Variants in DGKH observed in about 807,000 individuals in gnomAD.
DGKH encodes diacylglycerol kinase eta.
In DGKH, 90 loss-of-function variants were observed where a neutral mutation model predicts 159.3. That is an observed-to-expected ratio of 0.57 (90% confidence interval 0.48 to 0.67). The LOEUF is 0.67. DGKH is among the 30% of genes least tolerant of loss of function. The pLI, the probability that DGKH is intolerant of heterozygous loss-of-function variation, is 0.00. For missense variants in DGKH, 1,181 were observed against 1,506.1 expected (o/e 0.78, Z 3.57); for synonymous variants, 536 against 553.8 (o/e 0.97, Z 0.45).
intron 1 of DGKH, among the ~76,000 whole-genome samples, chr13:42,056,933 T>G (rs552368432): frequency 1.3e-5 from 2 of 152,208 alleles, no homozygotes; most frequent in Non-Finnish European, 2.9e-5. Context: ...CATCAATGTT[T>G]TAGGTTTCAT....
At chr13:42,171,689 A>G (rs1354162336) in intron 11 of DGKH, among the ~76,000 whole-genome samples, 1 of 151,964 alleles carries the variant, frequency 6.6e-6, no homozygotes, top group East Asian at 1.9e-4. Flanking sequence ...CATCATACCT[A>G]TTTTTTGCAC....
At chr13:42,174,000 T>C (rs9590674) in intron 11 of DGKH, 60 bp from the exon 12 acceptor site, 329,703 of 1,253,696 alleles carry the variant, frequency 0.26, 48,151 homozygotes, top group Admixed American at 0.35. Flanking sequence ...TATGAGATGC[T>C]AACAGTTAGT....
intron 12 of DGKH, among the ~76,000 whole-genome samples, chr13:42,176,272 T>C (rs902523936): frequency 6.6e-6 from 1 of 152,222 alleles, no homozygotes; most frequent in Admixed American, 6.5e-5. Context: ...TTAATGATCA[T>C]GTAAAATATT....
chr13:42,250,312 G>T (rs182580069), intron 29 of DGKH, among the ~76,000 whole-genome samples: 3 of 152,036 alleles, frequency 2.0e-5, no homozygotes, highest in East Asian at 1.9e-4. Flanking sequence ...TAATTAACAC[G>T]TAATTGTACA....
At position 42,236,661 on chromosome 13, in the gene DGKH, C is replaced by T. The variant is rs1958418491; in HGVS notation, c.*7473C>T. ...TGAACCATGGCTGAGCGCTGTTGCT[C>T]AGGCCTGTAATCCCAGCACTTTGGA... On this transcript the variant is annotated 3_prime_UTR_variant, in exon 30 of 30. Coordinates refer to ENST00000337343, the MANE Select transcript of DGKH (RefSeq NM_178009.5). 1 of 152,198 alleles carries T rather than the reference C, an allele frequency of 6.6e-6. No homozygotes were observed. The highest frequency in any genetic ancestry group is 6.5e-5 in the Admixed American group (1 of 15,274). 9.4% of individuals were successfully genotyped at this position (152,198 alleles called of 1,614,324 possible). A position where few individuals can be genotyped will look rare whatever the true frequency, so the allele number is the denominator to read the frequency against.
chr13:42,071,140 T>G (rs1052267835), intron 1 of DGKH: 5 of 676,406 alleles, frequency 7.4e-6, no homozygotes, highest in African/African-American at 7.3e-5. Context: ...GTTGAACTTG[T>G]GTAAACAAGG....
intron 7 of DGKH, among the ~76,000 whole-genome samples, chr13:42,161,943 A>G (rs1447999641): frequency 6.6e-6 from 1 of 152,206 alleles, no homozygotes; most frequent in African/African-American, 2.4e-5. Context: ...GCAGGAGTTA[A>G]TTAGGTTTAT....
At chr13:42,054,536 T>G (rs532331690) in intron 1 of DGKH, among the ~76,000 whole-genome samples, 1 of 152,304 alleles carries the variant, frequency 6.6e-6, no homozygotes, top group South Asian at 2.1e-4. Flanking sequence ...CTGTGGGCCA[T>G]AAGGTGTCTG....
chr13:42,224,788 C>T (rs1958076407), intron 29 of DGKH, among the ~76,000 whole-genome samples: 1 of 152,102 alleles, frequency 6.6e-6, no homozygotes, highest in Non-Finnish European at 1.5e-5. Flanking sequence ...GCTTCTTCCC[C>T]TACCCTTCAC....
chr13:42,210,543 AT>A lies in DGKH; in HGVS notation c.2851-56del, dbSNP rs1400759616. 4.0e-6 allele frequency: 6 copies of A among 1,517,244 alleles called. No individual in the cohort carries two copies. In the African/African-American group the frequency reaches 6.9e-5, roughly 17 times the overall value. The allele number at this position is 1,517,244 out of a possible 1,614,324, so 94.0% of individuals were successfully genotyped here. On this transcript the variant is annotated intron_variant, in intron 23 of 29. Transcript: ENST00000337343. ...CAATTGTAGTTTTATTAAAGCACACATTTACATGGACCTCTGAGTTCTAAAC... is the reference window on the plus strand; with the variant it reads ...CAATTGTAGTTTTATTAAAGCACACATTACATGGACCTCTGAGTTCTAAAC...
intron 30 of DGKH, chr13:42,255,977 G>A: frequency 6.2e-7 from 1 of 1,610,452 alleles, no homozygotes; most frequent in Non-Finnish European, 8.5e-7. Flanking sequence ...TGAGCTCAGT[G>A]GAGCCATGAA....
intron 1 of DGKH, among the ~76,000 whole-genome samples, chr13:42,088,220 A>ATTT (rs1954346039): frequency 6.6e-6 from 1 of 152,184 alleles, no homozygotes; most frequent in Non-Finnish European, 1.5e-5. Flanking sequence ...GACAAACAAA[A>ATTT]ACTGTGAGAA....
intron 29 of DGKH, among the ~76,000 whole-genome samples, chr13:42,248,520 T>A (rs1407947177): frequency 6.8e-6 from 1 of 147,210 alleles, no homozygotes; most frequent in African/African-American, 2.5e-5. Flanking sequence ...AATATATATT[T>A]ATGCAATTAT....
intron 3 of DGKH, among the ~76,000 whole-genome samples, chr13:42,144,407 C>A (rs768538371): frequency 4.6e-5 from 7 of 152,060 alleles, no homozygotes; most frequent in Non-Finnish European, 8.8e-5. Flanking sequence ...GTTCAGTGGG[C>A]CAGACCCGGT....
intron 16 of DGKH, among the ~76,000 whole-genome samples, chr13:42,192,654 TTTC>T (rs1313108827): frequency 6.6e-6 from 1 of 151,814 alleles, no homozygotes; most frequent in African/African-American, 2.4e-5. Context: ...TTCTTTCTTC[TTTC>T]TTCTTCTTGT....
intron 3 of DGKH, among the ~76,000 whole-genome samples, chr13:42,152,719 T>A (rs532099653): frequency 5.0e-4 from 75 of 150,780 alleles, no homozygotes; most frequent in Non-Finnish European, 8.9e-4. Flanking sequence ...CAGAGACTTC[T>A]GTGAAGTAAC....
At position 42,194,929 on chromosome 13, in the gene DGKH, C is replaced by T; in HGVS notation, c.2080C>T (p.His694Tyr). ...RSPDARASYG[H>Y]SQTDSVPGPA... Reference sequence around the variant, plus strand: ...TCCAGATGCCCGGGCAAGTTATGGCCATTCCCAAACTGATTCTGTCCCTGG... The same window carrying T: ...TCCAGATGCCCGGGCAAGTTATGGCTATTCCCAAACTGATTCTGTCCCTGG... Residue 694 changes from histidine (H) to tyrosine (Y), a missense_variant, in exon 17 of 30, where the codon CAT becomes TAT. His to Tyr is a moderately conservative substitution (Grantham distance 83). This residue lies in a region of DGKH where 257 missense variants were observed against 281.5 expected (regional missense o/e 0.91). Transcript: ENST00000337343. 1 of 1,613,976 alleles carries T rather than the reference C, an allele frequency of 6.2e-7. No individual in the cohort carries two copies. Among genetic ancestry groups the T allele is most frequent in the Non-Finnish European group, 8.5e-7 (1 of 1,179,920 alleles).
chr13:42,210,816 ATT>A (rs1364952216), intron 24 of DGKH, 51 bp downstream of exon 24: 1 of 1,559,522 alleles, frequency 6.4e-7, no homozygotes, highest in African/African-American at 1.4e-5. Context: ...GTCTCAGCCA[ATT>A]TTTGTTTTTT....
chr13:42,046,423 G>GT (rs544994031), upstream of DGKH, among the ~76,000 whole-genome samples: 49 of 152,328 alleles, frequency 3.2e-4, no homozygotes, highest in African/African-American at 1.2e-3. Flanking sequence ...GAAGAGGCTA[G>GT]TAAGTCAGGT....
Sources: allele counts gnomAD v4.1 joint callset (sites outside exome capture counted in the v4.1 genomes callset), GRCh38; gene constraint gnomAD v4.1.1; regional missense constraint gnomAD v4.1.1; transcripts MANE v1.5; gene names NCBI Gene and HGNC (gene_info 2026-07-23, HGNC 2026-07-21).